The following CDH23 variants were observed in gnomAD, a reference collection of about 807,000 sequenced individuals.
CDH23 encodes cadherin-23.
In CDH23, 189 loss-of-function variants were observed where a neutral mutation model predicts 317.1. That is an observed-to-expected ratio of 0.60 (90% CI 0.53 to 0.67). CDH23 has a LOEUF of 0.67. Among genes scored for constraint, CDH23 ranks in the 30% least tolerant of loss-of-function variants. The probability of loss-of-function intolerance (pLI) is 0.00; values close to 1 mark genes in which losing one functional copy is unlikely to be tolerated. For synonymous variants in CDH23, 1,839 were observed against 1,876.8 expected, an observed-to-expected ratio of 0.98 and a Z score of 0.52; for missense variants, 4,401 against 4,592.4, an observed-to-expected ratio of 0.96 and a Z score of 1.20.
At position 71,751,892 on chromosome 10, in the gene CDH23, G is replaced by C; in HGVS notation, c.4845+9971G>C. ...ACAGAACCAGAATGGAAGGTCATCT[G>C]TGCTGTCCGGAGCGTGAACTCTGCC... On this transcript the variant is annotated intron_variant, in intron 38 of 69. Transcript: ENST00000224721. This position sits in a 1 kb window ranked among gnomAD's most constrained non-coding sequence, Gnocchi z 4.9. 6.5e-7 allele frequency: 1 copy of C among 1,542,848 alleles called. No homozygotes were observed. The highest frequency in any genetic ancestry group is 8.8e-7 in the Non-Finnish European group (1 of 1,142,026).
chr10:71,411,947 A>C (rs750276661), intron 1 of CDH23, among the ~76,000 whole-genome samples: 8 of 152,204 alleles, frequency 5.3e-5, no homozygotes. Context: ...TACTGTACCC[A>C]TTAAACAGTA....
chr10:71,478,607 T>G (rs2132108607), intron 3 of CDH23, among the ~76,000 whole-genome samples: 1 of 152,342 alleles, frequency 6.6e-6, no homozygotes, highest in South Asian at 2.1e-4. Context: ...CTGGTGCTGG[T>G]CCAGGCAAAC....
In CDH23 at chr10:71,566,033, C is replaced by T. The variant is rs535694379; in HGVS notation, c.430-709C>T. 3.9e-5 allele frequency among the ~76,000 whole-genome samples: 6 copies of T among 152,318 alleles called. No individual in the cohort carries two copies. In the South Asian group the frequency reaches 1.2e-3, roughly 32 times the overall value. Reference sequence around the variant, plus strand: ...TCAAGAAGTATAAATAGCTCCATGCCTCCAGGAAATAAAATGTGAAGGGGG... The same window carrying T: ...TCAAGAAGTATAAATAGCTCCATGCTTCCAGGAAATAAAATGTGAAGGGGG... On this transcript the variant is annotated intron_variant, in intron 6 of 69. Transcript: ENST00000224721.
chr10:71,451,620 C>T (rs1279287053), intron 3 of CDH23, among the ~76,000 whole-genome samples: 1 of 152,232 alleles, frequency 6.6e-6, no homozygotes, highest in Non-Finnish European at 1.5e-5. Context: ...GGGTGGCCTT[C>T]CTGGGTCTCC....
At chr10:71,693,321 C>T (rs904612116) in intron 20 of CDH23, among the ~76,000 whole-genome samples, 3 of 151,788 alleles carry the variant, frequency 2.0e-5, no homozygotes, top group Non-Finnish European at 4.4e-5. Flanking sequence ...AAACATTTAC[C>T]AGCACGCCAC....
chr10:71,637,413 A>G (rs1862328587), intron 11 of CDH23, among the ~76,000 whole-genome samples: 1 of 152,146 alleles, frequency 6.6e-6, no homozygotes, highest in African/African-American at 2.4e-5. Flanking sequence ...CCTCTATTGA[A>G]CACTTATTCC....
chr10:71,720,420 A>AACACACACAC (rs57346519), intron 28 of CDH23, among the ~76,000 whole-genome samples: 2,544 of 145,810 alleles, frequency 0.017, 69 homozygotes, highest in African/African-American at 0.058. Flanking sequence ...CTCTTTCCAA[A>AACACACACAC]ACACACACAC....
At chr10:71,776,619 A>C (rs1840820843) in intron 38 of CDH23, among the ~76,000 whole-genome samples, 2 of 152,202 alleles carry the variant, frequency 1.3e-5, no homozygotes, top group Non-Finnish European at 2.9e-5. Context: ...GACTAGCACC[A>C]ACCACAGGAA....
At chr10:71,454,682 G>A (rs1021830037) in intron 3 of CDH23, among the ~76,000 whole-genome samples, 1 of 152,038 alleles carries the variant, frequency 6.6e-6, no homozygotes, top group Non-Finnish European at 1.5e-5. Flanking sequence ...ACACCCAATG[G>A]GACAGTCTCC....
chr10:71,588,491 A>G (rs1194086123), intron 9 of CDH23, among the ~76,000 whole-genome samples: 1 of 152,218 alleles, frequency 6.6e-6, no homozygotes, highest in Non-Finnish European at 1.5e-5. Flanking sequence ...TAGTAGGCAC[A>G]CTTTATTATT....
chr10:71,779,507 G>A (rs985177193), intron 41 of CDH23, 60 bp downstream of exon 41: 27 of 1,416,772 alleles, frequency 1.9e-5, no homozygotes, highest in Admixed American at 4.8e-5. Context: ...GCTCAGGGGA[G>A]GATAAGAAGG....
intron 9 of CDH23, among the ~76,000 whole-genome samples, chr10:71,581,066 C>CAAGGT (rs2132411348): frequency 6.6e-6 from 1 of 152,348 alleles, no homozygotes; most frequent in South Asian, 2.1e-4. Context: ...GTCTCACACA[C>CAAGGT]CTGCCTCTCT....
chr10:71,600,297 C>T (rs143247344), intron 9 of CDH23, among the ~76,000 whole-genome samples: 378 of 152,014 alleles, frequency 2.5e-3, no homozygotes, highest in Non-Finnish European at 3.0e-3. Flanking sequence ...CGACCGTACC[C>T]GGCCACACCT....
In CDH23 at chr10:71,811,333, T is replaced by A; in HGVS notation, c.9096T>A (p.Asp3032Glu). 1 of 1,613,692 alleles carries A rather than the reference T, an allele frequency of 6.2e-7. No individual in the cohort carries two copies. The highest frequency in any genetic ancestry group is 8.5e-7 in the Non-Finnish European group (1 of 1,179,798). ...CGCCCAGGGTGATCCAGATGATCGA[T>A]GAGAACAAGGAGCAGCTACGGAATC... The part of the protein sequence containing the change: ...LDVDRVIQMI[D>E]ENKEQLRNLF... The change falls in exon 63 of 70, where the codon GAT (aspartate) becomes GAA (glutamate). Residue 3032 changes from aspartate to glutamate, a missense_variant. By Grantham distance (45) the Asp-to-Glu change is conservative. Coordinates refer to ENST00000224721, the MANE Select transcript of CDH23 (RefSeq NM_022124.6).
intron 61 of CDH23, 97 bp from the exon 62 acceptor site, chr10:71,810,375 T>G: frequency 8.8e-7 from 1 of 1,130,886 alleles, no homozygotes. Flanking sequence ...AGGGTCTATT[T>G]GCAGGGAAGG....
chr10:71,624,033 T>C (rs1361772421), intron 11 of CDH23, among the ~76,000 whole-genome samples: 1 of 152,224 alleles, frequency 6.6e-6, no homozygotes, highest in Non-Finnish European at 1.5e-5. Context: ...GTTGGGCCAG[T>C]CAGTCTTTAA....
Position 71,732,232 on chromosome 10 carries a change from G to A in CDH23, c.3961G>A (p.Ala1321Thr), listed in dbSNP as rs2132825532. 1.2e-6 allele frequency: 2 copies of A among 1,613,758 alleles called. No individual in the cohort carries two copies. Among genetic ancestry groups the A allele is most frequent in the Non-Finnish European group, 1.7e-6 (2 of 1,179,742 alleles). ...GTTCTCCAATGCCTCATACGAGGCTGCCATCCTGGAGAATCTGGCACTGGG... is the reference window on the plus strand; with the variant it reads ...GTTCTCCAATGCCTCATACGAGGCTACCATCCTGGAGAATCTGGCACTGGG... ...VQFSNASYEA[A>T]ILENLALGTE... Residue 1321 changes from alanine (A) to threonine (T), a missense_variant, in exon 32 of 70, where the codon GCC becomes ACC. Transcript: ENST00000224721.
In CDH23 at chr10:71,588,145, C is replaced by A. The variant is rs1027040940; in HGVS notation, c.832+10153C>A. Among the ~76,000 whole-genome samples, 23 of 152,322 alleles carry A rather than the reference C, an allele frequency of 1.5e-4. No homozygotes were observed. In the East Asian group the frequency reaches 3.5e-3, roughly 23 times the overall value. On this transcript the variant is annotated intron_variant, in intron 9 of 69. Transcript: ENST00000224721. ...ATGGAGTTCTAGTTACTCAGCCCATCAGCCACCTCCCACCCCACACAGCTC... is the reference window on the plus strand; with the variant it reads ...ATGGAGTTCTAGTTACTCAGCCCATAAGCCACCTCCCACCCCACACAGCTC...
intron 6 of CDH23, among the ~76,000 whole-genome samples, chr10:71,553,879 G>A (rs1216704263): frequency 6.6e-6 from 1 of 152,198 alleles, no homozygotes; most frequent in Non-Finnish European, 1.5e-5. Flanking sequence ...GGAGGTGGGA[G>A]ACATATGATC....
Sources: allele counts gnomAD v4.1 joint callset (sites outside exome capture counted in the v4.1 genomes callset), GRCh38; gene constraint gnomAD v4.1.1; non-coding constraint Gnocchi (gnomAD v3.1); transcripts MANE v1.5; gene names NCBI Gene and HGNC (gene_info 2026-07-23, HGNC 2026-07-21).